NTNG1: variants seen among roughly 807,000 people sequenced by gnomAD.
The protein encoded by NTNG1 is netrin-G1.
In NTNG1, 16 loss-of-function variants were observed where a neutral mutation model predicts 54.0. That is an observed-to-expected ratio of 0.30 (90% CI 0.20 to 0.45). The LOEUF (loss-of-function observed/expected upper bound fraction) is 0.45. Among genes scored for constraint, NTNG1 ranks in the 20% least tolerant of loss-of-function variants. NTNG1 has a pLI of 1.00. For missense variants in NTNG1, 530 were observed against 678.7 expected, an observed-to-expected ratio of 0.78 and a Z score of 2.43; for synonymous variants, 255 against 263.1, an observed-to-expected ratio of 0.97 and a Z score of 0.30.
intron 2 of NTNG1, among the ~76,000 whole-genome samples, chr1:107,297,123 ACATATATATATATAACAT>A (rs1483060455): frequency 8.9e-5 from 13 of 145,390 alleles, no homozygotes; most frequent in East Asian, 2.0e-4. Flanking sequence ...ACAAACACAC[ACATATATATATATAACAT>A]CATATATATA....
intron 2 of NTNG1, among the ~76,000 whole-genome samples, chr1:107,213,330 G>A (rs1659717725): frequency 6.6e-6 from 1 of 152,092 alleles, no homozygotes; most frequent in Non-Finnish European, 1.5e-5. Context: ...AAGAAATCGT[G>A]TTAAAGGACA....
chr1:107,162,075 A>G (rs1193291049), intron 2 of NTNG1, among the ~76,000 whole-genome samples: 1 of 151,828 alleles, frequency 6.6e-6, no homozygotes, highest in Non-Finnish European at 1.5e-5. Flanking sequence ...TTGTATAAAT[A>G]CATAACTCAT....
intron 2 of NTNG1, among the ~76,000 whole-genome samples, chr1:107,291,305 A>G (rs1182702890): frequency 6.6e-6 from 1 of 152,138 alleles, no homozygotes; most frequent in African/African-American, 2.4e-5. Context: ...TAATACATAT[A>G]ACATAGAAAA....
At chr1:107,303,825 T>A (rs1297531160) in intron 2 of NTNG1, among the ~76,000 whole-genome samples, 1 of 152,102 alleles carries the variant, frequency 6.6e-6, no homozygotes, top group Non-Finnish European at 1.5e-5. Flanking sequence ...TAGCTGGGAC[T>A]ACAGGCGCAC....
intron 5 of NTNG1, chr1:107,408,676 C>A (rs1673600728): frequency 6.6e-6 from 1 of 151,768 alleles, no homozygotes; most frequent in South Asian, 2.1e-4. Flanking sequence ...AATCTTTGAA[C>A]AACTACTAAG....
intron 2 of NTNG1, among the ~76,000 whole-genome samples, chr1:107,271,937 A>G (rs1054045138): frequency 6.6e-6 from 1 of 152,220 alleles, no homozygotes; most frequent in African/African-American, 2.4e-5. Context: ...TTGTTCTGTC[A>G]AGTTTAGTAC....
chr1:107,196,312 C>G (rs988417336), intron 2 of NTNG1, among the ~76,000 whole-genome samples: 2 of 151,966 alleles, frequency 1.3e-5, no homozygotes, highest in African/African-American at 2.4e-5. Context: ...GCTCCCTCCC[C>G]ACAAAACCCC....
chr1:107,399,793 T>C (rs1672902271), intron 4 of NTNG1, among the ~76,000 whole-genome samples: 1 of 152,296 alleles, frequency 6.6e-6, no homozygotes, highest in African/African-American at 2.4e-5. Flanking sequence ...ACTGTATTGC[T>C]GATCAAGTTA....
At chr1:107,305,385 C>T (rs959862682) in intron 2 of NTNG1, among the ~76,000 whole-genome samples, 2 of 152,178 alleles carry the variant, frequency 1.3e-5, no homozygotes, top group Non-Finnish European at 2.9e-5. Context: ...TCTCCACATC[C>T]TCTCCAGCAT....
intron 3 of NTNG1, among the ~76,000 whole-genome samples, chr1:107,337,113 T>C (rs1269810031): frequency 6.6e-6 from 1 of 152,010 alleles, no homozygotes; most frequent in Non-Finnish European, 1.5e-5. Flanking sequence ...ATTCTGGGTA[T>C]ATATCCAAAA....
intron 2 of NTNG1, among the ~76,000 whole-genome samples, chr1:107,298,986 G>T (rs1268193887): frequency 1.3e-5 from 2 of 152,200 alleles, no homozygotes; most frequent in East Asian, 3.9e-4. Flanking sequence ...TTGGACTATG[G>T]GTACATATGG....
intron 2 of NTNG1, 104 bp from the exon 3 acceptor site, chr1:107,324,176 CAG>C: frequency 1.0e-6 from 1 of 992,308 alleles, no homozygotes; most frequent in Non-Finnish European, 1.5e-6. Flanking sequence ...TTACTGAAAA[CAG>C]ATTTTTTTTT....
At chr1:107,396,164 G>A (rs1672671905) in intron 4 of NTNG1, among the ~76,000 whole-genome samples, 1 of 152,156 alleles carries the variant, frequency 6.6e-6, no homozygotes, top group Non-Finnish European at 1.5e-5. Context: ...GGGGAGATTA[G>A]AATGTCCCCA....
At position 107,236,820 on chromosome 1, in the gene NTNG1, G is replaced by A. The variant is rs142182716; in HGVS notation, c.247-87462G>A. 4.7e-4 allele frequency among the ~76,000 whole-genome samples: 72 copies of A among 152,178 alleles called. 1 individual carries two copies. The highest frequency in any genetic ancestry group is 1.4e-3 in the African/African-American group (59 of 41,528). ...GACTTGCTCCTCCTTGCCTTCTGCC[G>A]TAATTGTGAGGCCTCCCCAGCCATG... On this transcript the variant is annotated intron_variant, in intron 2 of 7. Coordinates refer to ENST00000370068, the MANE Select transcript of NTNG1 (RefSeq NM_001113226.3).
rs1226456689 is a variant in NTNG1 at position 107,480,966 on chromosome 1, A to T, written c.*126A>T. On this transcript the variant is annotated 3_prime_UTR_variant, in exon 8 of 8. Coordinates refer to ENST00000370068, the MANE Select transcript of NTNG1 (RefSeq NM_001113226.3). Reference sequence around the variant, plus strand: ...CCACTCAGACAGTGTACAAACTAAGAAGGCCTAACTGAACTAAGCCATATT... The same window carrying T: ...CCACTCAGACAGTGTACAAACTAAGTAGGCCTAACTGAACTAAGCCATATT... 3 of 700,110 alleles carry T rather than the reference A, an allele frequency of 4.3e-6. No homozygotes were observed. Among genetic ancestry groups the T allele is most frequent in the African/African-American group, 1.8e-5 (1 of 56,294 alleles). The allele number at this position is 700,110 out of a possible 1,614,324, so 43.4% of individuals were successfully genotyped here.
chr1:107,224,917 T>C (rs890522639), intron 2 of NTNG1, among the ~76,000 whole-genome samples: 1 of 152,168 alleles, frequency 6.6e-6, no homozygotes, highest in Admixed American at 6.6e-5. Flanking sequence ...TCTCTAAGGC[T>C]CAGTTTCTCA....
At chr1:107,438,941 G>A (rs929601263) in intron 7 of NTNG1, among the ~76,000 whole-genome samples, 2 of 152,092 alleles carry the variant, frequency 1.3e-5, no homozygotes, top group Admixed American at 6.6e-5. Context: ...GAGATGATGA[G>A]AGGACATGCA....
chr1:107,456,350 T>C (rs1676955229), intron 7 of NTNG1, among the ~76,000 whole-genome samples: 1 of 152,212 alleles, frequency 6.6e-6, no homozygotes, highest in African/African-American at 2.4e-5. Flanking sequence ...GCTAAGAAGA[T>C]GTCTACATTC....
chr1:107,231,413 A>G (rs1459423217), intron 2 of NTNG1, among the ~76,000 whole-genome samples: 1 of 152,156 alleles, frequency 6.6e-6, no homozygotes, highest in Non-Finnish European at 1.5e-5. Flanking sequence ...ACTGCGGTAA[A>G]TGGTGGTTAA....
Sources: allele counts gnomAD v4.1 joint callset (sites outside exome capture counted in the v4.1 genomes callset), GRCh38; gene constraint gnomAD v4.1.1; transcripts MANE v1.5; gene names NCBI Gene and HGNC (gene_info 2026-07-23, HGNC 2026-07-21).